The following FAM120C variants were observed in gnomAD, a reference collection of about 807,000 sequenced individuals.
The protein encoded by FAM120C is family with sequence similarity 120 member C.
Under a neutral mutation model 71.2 loss-of-function variants are expected in FAM120C, and 14 were observed. The ratio of observed to expected loss-of-function variants is 0.20; its 90% CI spans 0.13 to 0.31. The LOEUF (loss-of-function observed/expected upper bound fraction) is 0.31, where lower values mean the gene tolerates loss of function less well. Ranked by LOEUF, FAM120C falls within the 10% of genes least tolerant of loss-of-function variation. FAM120C has a pLI of 1.00. For synonymous variants in FAM120C, 354 were observed against 353.2 expected, an observed-to-expected ratio of 1.00 and a Z score of -0.03; for missense variants, 500 against 879.0, an observed-to-expected ratio of 0.57 and a Z score of 5.45.
intron 4 of FAM120C, among the ~76,000 whole-genome samples, chrX:54,142,169 G>A (rs781920482): frequency 1.9e-4 from 21 of 112,083 alleles, no homozygotes; most frequent in African/African-American, 6.1e-4. Context: ...CAGCGTGAGC[G>A]ACACAAAAGA....
intron 4 of FAM120C, among the ~76,000 whole-genome samples, chrX:54,141,522 A>G (rs191849427): frequency 2.2e-3 from 245 of 110,820 alleles, no homozygotes; most frequent in African/African-American, 7.8e-3. Flanking sequence ...CTAATATCCT[A>G]TGTAATGAAG....
intron 1 of FAM120C, among the ~76,000 whole-genome samples, chrX:54,174,694 T>TTA (rs2034849787): frequency 8.9e-6 from 1 of 112,509 alleles, no homozygotes; most frequent in African/African-American, 3.2e-5. Context: ...TCCAAGTGCA[T>TTA]TATTTGATTT....
chrX:54,140,632 AAAAAG>A (rs1557131538), intron 4 of FAM120C, among the ~76,000 whole-genome samples: 1 of 108,890 alleles, frequency 9.2e-6, no homozygotes, highest in Non-Finnish European at 1.9e-5. Context: ...AAGAAAAAAA[AAAAAG>A]AAAAGAAAAA....
Position 54,135,552 on chromosome X carries a change from G to A in FAM120C, c.1311C>T (p.Gly437=), listed in dbSNP as rs1326536680. The change falls in exon 6 of 16, where the codon GGC becomes GGT. Residue 437 remains glycine, a synonymous_variant. Transcript: ENST00000375180. ...GNPPLPRNQV[G]TISAGKPMFS... is the part of the protein sequence containing the mutation. ...CCATTGGCTTTCCAGCAGAAATGGTGCCCACTTGATTTCGTGGAAGGGGAG... is the reference window on the plus strand; with the variant it reads ...CCATTGGCTTTCCAGCAGAAATGGTACCCACTTGATTTCGTGGAAGGGGAG... 8.3e-7 allele frequency: 1 copy of A among 1,208,268 alleles called. No homozygotes were observed. Among genetic ancestry groups the A allele is most frequent in the African/African-American group, 1.8e-5 (1 of 57,040 alleles).
In FAM120C at chrX:54,182,895, G is replaced by T; in HGVS notation, c.304C>A (p.His102Asn). 8.7e-7 allele frequency: 1 copy of T among 1,150,284 alleles called. No individual in the cohort carries two copies. The highest frequency in any genetic ancestry group is 1.2e-6 in the Non-Finnish European group (1 of 866,682). 94.8% of individuals were successfully genotyped at this position (1,150,284 alleles called of 1,213,427 possible). The change falls in exon 1 of 16, where the codon CAC (histidine) becomes AAC (asparagine). Residue 102 changes from histidine (H) to asparagine (N), a missense_variant. His to Asn is a moderately conservative substitution (Grantham distance 68, BLOSUM62 1). Coordinates refer to ENST00000375180, the MANE Select transcript of FAM120C (RefSeq NM_017848.6). ...HHHGQAQPGLHPPLPPPPPPQ... is the reference protein window; with the variant it reads ...HHHGQAQPGLNPPLPPPPPPQ... ...GGCGGCGGCGGCGGCAGCGGAGGGT[G>T]CAGCCCGGGCTGCGCTTGGCCATGA...
intron 5 of FAM120C, 89 bp from the exon 6 acceptor site, chrX:54,135,693 GTTA>G: frequency 2.9e-6 from 2 of 690,165 alleles, no homozygotes; most frequent in South Asian, 5.7e-5. Context: ...CTGAAAAAGT[GTTA>G]TTAATAAATA....
intron 10 of FAM120C, among the ~76,000 whole-genome samples, chrX:54,100,428 G>A (rs2066876365): frequency 8.9e-6 from 1 of 111,912 alleles, no homozygotes; most frequent in African/African-American, 3.2e-5. Flanking sequence ...GGGAGGCGGA[G>A]CTTGCAGTGA....
chrX:54,175,433 G>A (rs2067311588), intron 1 of FAM120C, among the ~76,000 whole-genome samples: 2 of 111,047 alleles, frequency 1.8e-5, no homozygotes, highest in Admixed American at 9.5e-5. Flanking sequence ...GGCATGCCAT[G>A]GCATGCCATG....
At chrX:54,076,117 T>A (rs782387284) in intron 15 of FAM120C, among the ~76,000 whole-genome samples, 2 of 108,709 alleles carry the variant, frequency 1.8e-5, no homozygotes, top group Non-Finnish European at 3.8e-5. Flanking sequence ...GGCAGGCAGA[T>A]CAACTGAGGT....
chrX:54,117,391 A>G (rs1314127822), intron 9 of FAM120C, among the ~76,000 whole-genome samples: 14 of 103,128 alleles, frequency 1.4e-4, no homozygotes, highest in African/African-American at 4.6e-4. Context: ...AAATAAAATA[A>G]AATAAAATAA....
chrX:54,088,277 TC>T (rs1379097446), intron 11 of FAM120C, among the ~76,000 whole-genome samples: 1 of 111,148 alleles, frequency 9.0e-6, no homozygotes, highest in African/African-American at 3.3e-5. Flanking sequence ...AAATGGGCAA[TC>T]ATATAAAGCT....
intron 10 of FAM120C, among the ~76,000 whole-genome samples, chrX:54,104,086 G>A (rs2066894653): frequency 8.9e-6 from 1 of 111,934 alleles, no homozygotes; most frequent in African/African-American, 3.2e-5. Flanking sequence ...GAAAACTGTT[G>A]ATATTTGAAT....
At chrX:54,128,674 C>G (rs1391084457) in intron 9 of FAM120C, among the ~76,000 whole-genome samples, 1 of 111,273 alleles carries the variant, frequency 9.0e-6, no homozygotes, top group Non-Finnish European at 1.9e-5. Flanking sequence ...GGTGATGACT[C>G]TTAACGAGCA....
intron 10 of FAM120C, among the ~76,000 whole-genome samples, chrX:54,114,757 T>C (rs1405230565): frequency 9.3e-6 from 1 of 107,555 alleles, no homozygotes; most frequent in Admixed American, 1.0e-4. Context: ...TTTGTTTGTT[T>C]GTTTTTTTGA....
chrX:54,133,392 T>C (rs937050432), intron 8 of FAM120C, among the ~76,000 whole-genome samples: 1 of 112,446 alleles, frequency 8.9e-6, no homozygotes, highest in South Asian at 3.7e-4. Context: ...AAAGTCCACC[T>C]TAGGCATTTT....
At chrX:54,105,393 T>C (rs1310218116) in intron 10 of FAM120C, among the ~76,000 whole-genome samples, 145 of 111,643 alleles carry the variant, frequency 1.3e-3, no homozygotes, top group African/African-American at 4.4e-3. Flanking sequence ...AAACTAGGTA[T>C]TGATGGAACG....
intron 10 of FAM120C, among the ~76,000 whole-genome samples, chrX:54,095,645 C>T (rs782397873): frequency 9.0e-6 from 1 of 110,541 alleles, no homozygotes; most frequent in African/African-American, 3.3e-5. Context: ...CTGCTCCCAG[C>T]CCACATCTTT....
intron 10 of FAM120C, among the ~76,000 whole-genome samples, chrX:54,110,048 G>A (rs1216738566): frequency 2.8e-5 from 2 of 71,694 alleles, no homozygotes; most frequent in African/African-American, 1.1e-4. Flanking sequence ...ATGGATTCTC[G>A]CTCTGTTGCC....
chrX:54,099,863 C>T, intron 10 of FAM120C, among the ~76,000 whole-genome samples: 1 of 111,981 alleles, frequency 8.9e-6, no homozygotes, highest in South Asian at 3.7e-4. Flanking sequence ...GGTTACTATA[C>T]TTTTGTAGTA....
Sources: gnomAD v4.1 joint callset for allele counts (sites outside exome capture counted in the v4.1 genomes callset) on GRCh38, gnomAD v4.1.1 for gene constraint, MANE v1.5 for transcripts, NCBI Gene and HGNC (gene_info 2026-07-23, HGNC 2026-07-21) for gene names.